The following LINGO2 variants were observed in gnomAD, a reference collection of about 807,000 sequenced individuals.
LINGO2 encodes the protein leucine-rich repeat and immunoglobulin-like domain-containing nogo receptor-interacting protein 2.
Under a neutral mutation model 30.6 loss-of-function variants are expected in LINGO2, and 14 were observed. That is an observed-to-expected ratio of 0.46 (90% confidence interval 0.30 to 0.72). The LOEUF (loss-of-function observed/expected upper bound fraction) is 0.72, where lower values mean the gene tolerates loss of function less well. Among genes scored for constraint, LINGO2 ranks in the 30% least tolerant of loss-of-function variants. The pLI is 0.07. For missense variants in LINGO2, 729 were observed against 751.7 expected, an observed-to-expected ratio of 0.97 and a Z score of 0.35; for synonymous variants, 317 against 288.5, an observed-to-expected ratio of 1.10 and a Z score of -1.00.
chr9:28,759,577 G>C, the LINGO2 span, among the ~76,000 whole-genome samples: 1 of 151,838 alleles, frequency 6.6e-6, no homozygotes, highest in Non-Finnish European at 1.5e-5. Flanking sequence ...AGCTACTCGG[G>C]AGGCTGAGGC....
At chr9:28,725,499 CA>C in the LINGO2 span, among the ~76,000 whole-genome samples, 3 of 148,596 alleles carry the variant, frequency 2.0e-5, no homozygotes, top group Non-Finnish European at 4.5e-5. Flanking sequence ...CAATATACAA[CA>C]GGGGGAATAA....
At chr9:28,944,148 T>A in the LINGO2 span, among the ~76,000 whole-genome samples, 1 of 152,208 alleles carries the variant, frequency 6.6e-6, no homozygotes, top group Non-Finnish European at 1.5e-5. Flanking sequence ...CAGTTATCTT[T>A]GTCTGTATGA....
the LINGO2 span, among the ~76,000 whole-genome samples, chr9:29,060,550 T>G: frequency 1.3e-5 from 2 of 151,998 alleles, no homozygotes; most frequent in Non-Finnish European, 2.9e-5. Context: ...CAAGAACCAC[T>G]TCATTGAAGA....
chr9:28,828,040 AG>A, the LINGO2 span, among the ~76,000 whole-genome samples: 1 of 152,022 alleles, frequency 6.6e-6, no homozygotes, highest in African/African-American at 2.4e-5. Flanking sequence ...TCTTTGGGGA[AG>A]GGGCCGGAGA....
chr9:28,197,664 T>C (rs1355521316), intron 4 of LINGO2, among the ~76,000 whole-genome samples: 2 of 152,010 alleles, frequency 1.3e-5, no homozygotes, highest in African/African-American at 2.4e-5. Context: ...TAAAGGTTTT[T>C]CTAAGTATAA....
intron 1 of LINGO2, among the ~76,000 whole-genome samples, chr9:28,637,426 C>G (rs936008789): frequency 6.6e-6 from 1 of 152,174 alleles, no homozygotes; most frequent in Non-Finnish European, 1.5e-5. Flanking sequence ...TGGCCATTTT[C>G]ATGATATTAA....
At chr9:29,078,450 G>C in the LINGO2 span, among the ~76,000 whole-genome samples, 1 of 151,906 alleles carries the variant, frequency 6.6e-6, no homozygotes, top group African/African-American at 2.4e-5. Context: ...GAAAATGTCT[G>C]CCAGCACACA....
the LINGO2 span, among the ~76,000 whole-genome samples, chr9:29,050,842 AG>A: frequency 6.6e-6 from 1 of 152,140 alleles, no homozygotes; most frequent in Admixed American, 6.6e-5. Context: ...CAATTTAGAG[AG>A]GAAGAGTTGG....
the LINGO2 span, among the ~76,000 whole-genome samples, chr9:28,847,592 A>G: frequency 2.1e-5 from 3 of 146,128 alleles, 1 homozygote; most frequent in South Asian, 6.5e-4. Context: ...GCAACTCCCA[A>G]GAGTCACATG....
intron 2 of LINGO2, among the ~76,000 whole-genome samples, chr9:28,398,595 TG>T (rs1217625343): frequency 3.3e-5 from 5 of 151,924 alleles, no homozygotes; most frequent in African/African-American, 1.2e-4. Context: ...AATATGCAGT[TG>T]GGGCCAACAG....
intron 3 of LINGO2, among the ~76,000 whole-genome samples, chr9:28,367,117 A>ATT (rs72535345): frequency 7.6e-6 from 1 of 132,010 alleles, no homozygotes; most frequent in Non-Finnish European, 1.6e-5. Context: ...AAAAGTCAGC[A>ATT]CATATTATTA....
chr9:28,493,261 A>T (rs1047443705), intron 1 of LINGO2, among the ~76,000 whole-genome samples: 1 of 152,136 alleles, frequency 6.6e-6, no homozygotes, highest in Non-Finnish European at 1.5e-5. Context: ...ACTTCCACCT[A>T]CATTTCTTTC....
intron 1 of LINGO2, among the ~76,000 whole-genome samples, chr9:28,599,703 T>C (rs917896902): frequency 2.0e-5 from 3 of 152,226 alleles, no homozygotes; most frequent in Admixed American, 6.5e-5. Context: ...GATTTGTTTA[T>C]TGTTTACCCA....
At chr9:28,093,130 C>G (rs771081726) in intron 4 of LINGO2, among the ~76,000 whole-genome samples, 1 of 151,958 alleles carries the variant, frequency 6.6e-6, no homozygotes, top group Non-Finnish European at 1.5e-5. Flanking sequence ...GTGCAATGTG[C>G]GATGTTGCCA....
chr9:28,674,410 T>C (rs1733640671), upstream of LINGO2, among the ~76,000 whole-genome samples: 1 of 152,176 alleles, frequency 6.6e-6, no homozygotes, highest in South Asian at 2.1e-4. Flanking sequence ...CTTGAAGTTT[T>C]ACAAGGAAAA....
the LINGO2 span, among the ~76,000 whole-genome samples, chr9:29,104,927 A>G: frequency 6.6e-6 from 1 of 152,174 alleles, no homozygotes; most frequent in Non-Finnish European, 1.5e-5. Flanking sequence ...TGTTGTCTCA[A>G]AAGGGATCTT....
intron 1 of LINGO2, among the ~76,000 whole-genome samples, chr9:28,589,126 A>C (rs1268755533): frequency 2.6e-5 from 4 of 152,142 alleles, no homozygotes; most frequent in Admixed American, 2.6e-4. Context: ...ACTCTCAATA[A>C]ATTAGGTATT....
At chr9:28,239,507 A>C (rs1193044261) in intron 4 of LINGO2, among the ~76,000 whole-genome samples, 1 of 152,184 alleles carries the variant, frequency 6.6e-6, no homozygotes, top group Non-Finnish European at 1.5e-5. Context: ...ACTGTGAAAC[A>C]TCATACCAAC....
At chr9:28,677,326 A>G in the LINGO2 span, among the ~76,000 whole-genome samples, 1 of 152,192 alleles carries the variant, frequency 6.6e-6, no homozygotes, top group Non-Finnish European at 1.5e-5. Context: ...TCAAATCATT[A>G]AAAATGCGAT....
Sources: gnomAD v4.1 joint callset for allele counts (sites outside exome capture counted in the v4.1 genomes callset) on GRCh38, gnomAD v4.1.1 for gene constraint, MANE v1.5 for transcripts, NCBI Gene and HGNC (gene_info 2026-07-23, HGNC 2026-07-21) for gene names.